Variants in PITPNM3 observed in about 807,000 individuals in gnomAD.
PITPNM3 encodes PITPNM family member 3.
PITPNM3 carries 26 observed loss-of-function variants against 102.0 expected under a neutral mutation model. The observed-to-expected ratio is 0.25, with a 90% CI of 0.19 to 0.35. PITPNM3 has a LOEUF of 0.35. Ranked by LOEUF, PITPNM3 falls within the 10% of genes least tolerant of loss-of-function variation. PITPNM3 has a pLI of 1.00. For missense variants in PITPNM3, 1,083 were observed against 1,346.1 expected, an observed-to-expected ratio of 0.80 and a Z score of 3.06; for synonymous variants, 578 against 558.6, an observed-to-expected ratio of 1.03 and a Z score of -0.49.
At chr17:6,477,870 C>T in intron 8 of PITPNM3, 105 bp downstream of exon 8, 3 of 1,568,834 alleles carry the variant, frequency 1.9e-6, no homozygotes, top group East Asian at 2.2e-5. Context: ...TTCTTTGTGA[C>T]CTGGATGTCA....
At chr17:6,499,485 G>A (rs1356044619) in intron 4 of PITPNM3, among the ~76,000 whole-genome samples, 1 of 152,202 alleles carries the variant, frequency 6.6e-6, no homozygotes, top group Non-Finnish European at 1.5e-5. Flanking sequence ...AACTGAGGCA[G>A]CCGCAGGACC....
rs145961702 is a variant in PITPNM3 at position 6,451,604 on chromosome 17, C to G, written c.*3734G>C. 10 of 152,264 alleles carry G rather than the reference C, an allele frequency of 6.6e-5. No individual in the cohort carries two copies. The highest frequency in any genetic ancestry group is 2.6e-4 in the Admixed American group (4 of 15,282). 9.4% of individuals were successfully genotyped at this position (152,264 alleles called of 1,614,324 possible). A position where few individuals can be genotyped will look rare whatever the true frequency, so the allele number is the denominator to read the frequency against. On this transcript the variant is annotated 3_prime_UTR_variant, in exon 20 of 20. Transcript: ENST00000262483. ...GTCCAAGGGTGGGGGTCCCTGTGCA[C>G]GAGTCGCCCTCCTCTGGCCTGCCCC...
Position 6,470,984 on chromosome 17 carries a change from G to A in PITPNM3, c.1624+177C>T, listed in dbSNP as rs1367924678. Among the ~76,000 whole-genome samples, 3 of 152,140 alleles carry A rather than the reference G, an allele frequency of 2.0e-5. No homozygotes were observed. The highest frequency in any genetic ancestry group is 4.4e-5 in the Non-Finnish European group (3 of 68,014). ...AGAGTGAGGATCTGGACCGATGCCAGGTCTCCATCAGCAGACGCCCAGCTC... is the reference window on the plus strand; with the variant it reads ...AGAGTGAGGATCTGGACCGATGCCAAGTCTCCATCAGCAGACGCCCAGCTC... On this transcript the variant is annotated intron_variant, in intron 12 of 19. Coordinates refer to ENST00000262483, the MANE Select transcript of PITPNM3 (RefSeq NM_031220.4). This position sits in a 1 kb window ranked among gnomAD's most constrained non-coding sequence, Gnocchi z 4.8.
At chr17:6,523,473 C>T (rs1476164786) in intron 3 of PITPNM3, among the ~76,000 whole-genome samples, 4 of 152,176 alleles carry the variant, frequency 2.6e-5, no homozygotes, top group Admixed American at 1.3e-4. Context: ...TTCCTCGTCC[C>T]CTGCCCTCCA....
intron 4 of PITPNM3, among the ~76,000 whole-genome samples, chr17:6,498,337 C>T (rs1308096850): frequency 6.6e-6 from 1 of 152,234 alleles, no homozygotes; most frequent in Non-Finnish European, 1.5e-5. Context: ...CACGCTCCTC[C>T]CAGAGCTAGC....
Position 6,471,466 on chromosome 17 carries a change from C to T in PITPNM3, c.1430-111G>A, listed in dbSNP as rs904317335. 3.3e-5 allele frequency: 35 copies of T among 1,072,158 alleles called. No homozygotes were observed. The African/African-American group carries it at 4.8e-4, about 15-fold the overall frequency. 66.4% of individuals were successfully genotyped at this position (1,072,158 alleles called of 1,614,324 possible). A position where few individuals can be genotyped will look rare whatever the true frequency, so the allele number is the denominator to read the frequency against. ...GCTGGGCACTTGGAGGAGTCAGCCC[C>T]GGCTCTGCTCACTTGCCAGCCCAGC... On this transcript the variant is annotated intron_variant, in intron 11 of 19. Transcript: ENST00000262483.
chr17:6,459,348 T>G lies in PITPNM3; in HGVS notation c.2491-1626A>C, dbSNP rs531687935. ...CCCTCTCCTCCCGATACCTGGAGTCTCGTCTCTCTCTCCTGGTCCTCCTCC... is the reference window on the plus strand; with the variant it reads ...CCCTCTCCTCCCGATACCTGGAGTCGCGTCTCTCTCTCCTGGTCCTCCTCC... On this transcript the variant is annotated intron_variant, in intron 18 of 19. Coordinates refer to ENST00000262483, the MANE Select transcript of PITPNM3 (RefSeq NM_031220.4). The surrounding 1 kb of genome is among the most constrained non-coding windows in gnomAD (Gnocchi z 5.0). Among the ~76,000 whole-genome samples, 2 of 152,206 alleles carry G rather than the reference T, an allele frequency of 1.3e-5. No homozygotes were observed. Among genetic ancestry groups the G allele is most frequent in the East Asian group, 3.9e-4 (2 of 5,172 alleles).
chr17:6,548,065 C>T (rs533837532), intron 1 of PITPNM3, among the ~76,000 whole-genome samples: 1 of 152,302 alleles, frequency 6.6e-6, no homozygotes, highest in South Asian at 2.1e-4. Flanking sequence ...AATGAAACGA[C>T]CAGCTTTTTG....
chr17:6,552,134 T>C (rs1910344619), intron 1 of PITPNM3, among the ~76,000 whole-genome samples: 1 of 152,170 alleles, frequency 6.6e-6, no homozygotes, highest in African/African-American at 2.4e-5. Flanking sequence ...GCCTGCCAGC[T>C]ACACCCCTCA....
At chr17:6,545,765 G>C (rs356050) in intron 1 of PITPNM3, among the ~76,000 whole-genome samples, 3 of 151,990 alleles carry the variant, frequency 2.0e-5, no homozygotes, top group African/African-American at 7.2e-5. Context: ...TCTCCTTGTG[G>C]GTCCTTCATG....
At chr17:6,538,925 C>T (rs188865027) in intron 1 of PITPNM3, among the ~76,000 whole-genome samples, 2 of 152,196 alleles carry the variant, frequency 1.3e-5, no homozygotes, top group Non-Finnish European at 1.5e-5. Flanking sequence ...ACACCCCCTA[C>T]CCTGCAGGAT....
Position 6,468,950 on chromosome 17 carries a change from G to A in PITPNM3, c.1774-609C>T, listed in dbSNP as rs374729188. On this transcript the variant is annotated intron_variant, in intron 13 of 19. Coordinates refer to ENST00000262483, the MANE Select transcript of PITPNM3 (RefSeq NM_031220.4). This position sits in a 1 kb window ranked among gnomAD's most constrained non-coding sequence, Gnocchi z 5.2. The stretch of plus-strand genomic sequence containing the variant: ...CCTCTCCTCCACCCACTCCAGTCAG[G>A]GTTCTTCTCCATCACTCCTCTACGG... Among the ~76,000 whole-genome samples, 1 of 151,878 alleles carries A rather than the reference G, an allele frequency of 6.6e-6. No homozygotes were observed. Among genetic ancestry groups the A allele is most frequent in the Non-Finnish European group, 1.5e-5 (1 of 67,950 alleles).
rs1383497573 is a variant in PITPNM3, at chr17:6,457,707, T to C, written c.2506A>G (p.Ser836Gly). The C allele has an allele frequency of 1.3e-6, 2 of 1,589,342 alleles. No homozygotes were observed. The highest frequency in any genetic ancestry group is 1.7e-6 in the Non-Finnish European group (2 of 1,167,586). The change falls in exon 19 of 20, where the codon AGT becomes GGT. Residue 836 changes from serine to glycine, a missense_variant. Ser to Gly is a moderately conservative substitution (Grantham distance 56, BLOSUM62 0). Around this residue, in one of 5 missense-constraint regions of PITPNM3, gnomAD observed 410 missense variants for 638.4 expected, o/e 0.64. Coordinates refer to ENST00000262483, the MANE Select transcript of PITPNM3 (RefSeq NM_031220.4). This position sits in a 1 kb window ranked among gnomAD's most constrained non-coding sequence, Gnocchi z 4.7. Reference sequence around the variant, plus strand: ...TCCTTCGTGGAGCCATAGGCCGCACTGATTTTGATGAAGCACTGAAACACA... The same window carrying C: ...TCCTTCGTGGAGCCATAGGCCGCACCGATTTTGATGAAGCACTGAAACACA... ...NLMQECFIKI[S>G]AAYGSTKDIS... is the part of the protein sequence containing the mutation.
In PITPNM3 at chr17:6,556,194, G is replaced by T. The variant is rs1054437796; in HGVS notation, c.22+191C>A. On this transcript the variant is annotated intron_variant, in intron 1 of 19. Transcript: ENST00000262483. The surrounding 1 kb of genome is among the most constrained non-coding windows in gnomAD (Gnocchi z 5.2). ...GGTGTCCCCCGAGGTGACCGGGGGC[G>T]CAGGAAGGACGGGGGGCGCGCGGAG... 6.6e-6 allele frequency among the ~76,000 whole-genome samples: 1 copy of T among 151,916 alleles called. No homozygotes were observed. Among genetic ancestry groups the T allele is most frequent in the Non-Finnish European group, 1.5e-5 (1 of 67,892 alleles).
rs760967877 is a variant in PITPNM3, at chr17:6,537,816, C to T, written c.118+171G>A. Among the ~76,000 whole-genome samples the T allele has an allele frequency of 2.6e-5, 4 of 152,184 alleles. No homozygotes were observed. Among genetic ancestry groups the T allele is most frequent in the South Asian group, 2.1e-4 (1 of 4,832 alleles). On this transcript the variant is annotated intron_variant, in intron 2 of 19. Transcript: ENST00000262483. The surrounding 1 kb of genome is among the most constrained non-coding windows in gnomAD (Gnocchi z 4.4). ...GCAAATATTTCAAACAGTGAACAGA[C>T]GAAGGCTGAGCCCCTGCTCTTGGCA...
chr17:6,534,048 T>C (rs1347006821), intron 2 of PITPNM3, among the ~76,000 whole-genome samples: 2 of 152,212 alleles, frequency 1.3e-5, no homozygotes, highest in East Asian at 1.9e-4. Context: ...TTCAAAAACC[T>C]TGAGGAGCCT....
rs1315819158 is a variant in PITPNM3, at chr17:6,452,480, CA to C, written c.*2857del. On this transcript the variant is annotated 3_prime_UTR_variant, in exon 20 of 20. Transcript: ENST00000262483. ...TACCAGAAGCTAGAAGGATTCTCTA[CA>C]AAACAGCTGGATTGGGGGTCACAGA... 6.6e-6 allele frequency: 1 copy of C among 152,220 alleles called. No homozygotes were observed. Among genetic ancestry groups the C allele is most frequent in the Non-Finnish European group, 1.5e-5 (1 of 68,058 alleles). The allele number at this position is 152,220 out of a possible 1,614,324, so 9.4% of individuals were successfully genotyped here. A position where few individuals can be genotyped will look rare whatever the true frequency, so the allele number is the denominator to read the frequency against.
chr17:6,472,505 G>T lies in PITPNM3; in HGVS notation c.1429+152C>A, dbSNP rs1347804651. 1.8e-6 allele frequency: 2 copies of T among 1,108,166 alleles called. No individual in the cohort carries two copies. The highest frequency in any genetic ancestry group is 2.6e-6 in the Non-Finnish European group (2 of 772,242). The allele number at this position is 1,108,166 out of a possible 1,614,324, so 68.6% of individuals were successfully genotyped here. A position where few individuals can be genotyped will look rare whatever the true frequency, so the allele number is the denominator to read the frequency against. On this transcript the variant is annotated intron_variant, in intron 11 of 19. Coordinates refer to ENST00000262483, the MANE Select transcript of PITPNM3 (RefSeq NM_031220.4). The surrounding 1 kb of genome is among the most constrained non-coding windows in gnomAD (Gnocchi z 4.1). Reference sequence around the variant, plus strand: ...GACAAGCAGGTGCTTAGCACAGGTGGGCGACTCTGAAGACAGAGGAGTCGG... The same window carrying T: ...GACAAGCAGGTGCTTAGCACAGGTGTGCGACTCTGAAGACAGAGGAGTCGG...
Position 6,496,849 on chromosome 17 carries a change from C to T in PITPNM3, c.274+6678G>A, listed in dbSNP as rs181915895. On this transcript the variant is annotated intron_variant, in intron 4 of 19. Transcript: ENST00000262483. ...TGCTATGTAGATAGACTTGTATATG[C>T]GCACAGAGACGCACACTCATCCTCA... Among the ~76,000 whole-genome samples, 20 of 152,226 alleles carry T rather than the reference C, an allele frequency of 1.3e-4. No individual in the cohort carries two copies. The East Asian group carries it at 1.4e-3, about 10-fold the overall frequency.
Sources: allele counts gnomAD v4.1 joint callset (sites outside exome capture counted in the v4.1 genomes callset), GRCh38; gene constraint gnomAD v4.1.1; regional missense constraint gnomAD v4.1.1; non-coding constraint Gnocchi (gnomAD v3.1); transcripts MANE v1.5; gene names NCBI Gene and HGNC (gene_info 2026-07-23, HGNC 2026-07-21).